The following CEP97 variants were observed in gnomAD, a reference collection of about 807,000 sequenced individuals.
The protein encoded by CEP97 is centrosomal protein 97.
Under a neutral mutation model 73.1 loss-of-function variants are expected in CEP97, and 43 were observed. The observed-to-expected ratio is 0.59, with a 90% confidence interval of 0.46 to 0.76. CEP97 has a LOEUF of 0.76. CEP97 is among the 30% of genes least tolerant of loss of function. The pLI, the probability that CEP97 is intolerant of heterozygous loss-of-function variation, is 0.00. For missense variants in CEP97, 939 were observed against 1,014.0 expected (o/e 0.93, Z 1.00); for synonymous variants, 337 against 370.0 (o/e 0.91, Z 1.02).
At chr3:101,734,870 GA>G (rs972580929) in intron 6 of CEP97, among the ~76,000 whole-genome samples, 3 of 152,200 alleles carry the variant, frequency 2.0e-5, no homozygotes, top group Non-Finnish European at 2.9e-5. Flanking sequence ...TGTAAAGAGA[GA>G]CCCACAAAGA....
rs1393752920 is a variant in CEP97, at chr3:101,768,769, C to G, written c.*3218C>G. On this transcript the variant is annotated 3_prime_UTR_variant, in exon 11 of 11. Coordinates refer to ENST00000341893, the MANE Select transcript of CEP97 (RefSeq NM_024548.4). ...AGGTTGCTGAGGTATATAAAATTTT[C>G]TAGAGAAATGCTGAGTTTGATGACA... The G allele has an allele frequency of 9.2e-5, 14 of 152,116 alleles. No individual in the cohort carries two copies. Among genetic ancestry groups the G allele is most frequent in the Non-Finnish European group, 2.9e-5 (2 of 68,028 alleles). 9.4% of individuals were successfully genotyped at this position (152,116 alleles called of 1,614,324 possible).
Position 101,768,962 on chromosome 3 carries a change from A to G in CEP97, c.*3411A>G, listed in dbSNP as rs1939388483. On this transcript the variant is annotated 3_prime_UTR_variant, in exon 11 of 11. Coordinates refer to ENST00000341893, the MANE Select transcript of CEP97 (RefSeq NM_024548.4). ...TAGGAAAATGTTCATTTATTTAGTC[A>G]TATAATCGTTTGTATATATGTAAAT... The G allele has an allele frequency of 6.6e-6, 1 of 152,220 alleles. No individual in the cohort carries two copies. Among genetic ancestry groups the G allele is most frequent in the Non-Finnish European group, 1.5e-5 (1 of 68,036 alleles). 9.4% of individuals were successfully genotyped at this position (152,220 alleles called of 1,614,324 possible). A position where few individuals can be genotyped will look rare whatever the true frequency, so the allele number is the denominator to read the frequency against.
At chr3:101,755,632 A>T (rs1938984277) in intron 7 of CEP97, 38 bp downstream of exon 7, 1 of 1,596,382 alleles carries the variant, frequency 6.3e-7, no homozygotes, top group Admixed American at 1.7e-5. Context: ...TGAATTCACA[A>T]GTTAAAATAC....
intron 6 of CEP97, among the ~76,000 whole-genome samples, chr3:101,752,653 A>G (rs1453967003): frequency 6.6e-6 from 1 of 151,946 alleles, no homozygotes; most frequent in Admixed American, 6.6e-5. Context: ...TTCATCTTCC[A>G]TCACTGATAC....
At chr3:101,747,151 A>C (rs12489899) in intron 6 of CEP97, among the ~76,000 whole-genome samples, 45,787 of 150,334 alleles carry the variant, frequency 0.3, 7,482 homozygotes, top group Middle Eastern at 0.44. Context: ...ACTAGAAATA[A>C]CATTTGACCC....
At chr3:101,737,870 G>A (rs1938328084) in intron 6 of CEP97, among the ~76,000 whole-genome samples, 1 of 152,004 alleles carries the variant, frequency 6.6e-6, no homozygotes, top group African/African-American at 2.4e-5. Flanking sequence ...TGGGCTATTA[G>A]CCCAATTAAA....
chr3:101,733,041 T>G (rs1049432877), intron 6 of CEP97, among the ~76,000 whole-genome samples: 3 of 152,032 alleles, frequency 2.0e-5, no homozygotes, highest in Admixed American at 6.5e-5. Flanking sequence ...GAGGATTGCT[T>G]GAGCCCAGGA....
intron 6 of CEP97, among the ~76,000 whole-genome samples, chr3:101,741,807 C>T (rs368407525): frequency 2.2e-4 from 33 of 152,102 alleles, no homozygotes; most frequent in East Asian, 1.5e-3. Flanking sequence ...TTTGGGAGTC[C>T]GAGGCAGGTG....
chr3:101,761,706 G>A (rs1490980015), intron 9 of CEP97, among the ~76,000 whole-genome samples: 1 of 152,134 alleles, frequency 6.6e-6, no homozygotes, highest in African/African-American at 2.4e-5. Context: ...GAGAGATGGA[G>A]TATATAAGGG....
chr3:101,760,501 G>A (rs1205387600), intron 9 of CEP97, among the ~76,000 whole-genome samples: 1 of 152,122 alleles, frequency 6.6e-6, no homozygotes, highest in Non-Finnish European at 1.5e-5. Context: ...AAGGGCAAGA[G>A]AGCTGAAGAT....
intron 6 of CEP97, among the ~76,000 whole-genome samples, chr3:101,739,066 C>G (rs1210799852): frequency 6.6e-6 from 1 of 152,166 alleles, no homozygotes; most frequent in East Asian, 1.9e-4. Context: ...AACTAGAAAT[C>G]TAGAAGAAAT....
At chr3:101,725,877 G>GT (rs55666231) in intron 1 of CEP97, among the ~76,000 whole-genome samples, 43,902 of 139,424 alleles carry the variant, frequency 0.31, 7,020 homozygotes, top group Middle Eastern at 0.45. Flanking sequence ...TTTTTTTTTT[G>GT]TTTTTTTTTT....
At chr3:101,752,803 T>C (rs2107175588) in intron 6 of CEP97, among the ~76,000 whole-genome samples, 1 of 152,332 alleles carries the variant, frequency 6.6e-6, no homozygotes, top group South Asian at 2.1e-4. Context: ...GTCTAAATTT[T>C]TTTCAAAGTT....
chr3:101,759,412 T>A (rs562240146), intron 9 of CEP97: 1 of 152,274 alleles, frequency 6.6e-6, no homozygotes, highest in African/African-American at 2.4e-5. Context: ...ATCTTTGGTG[T>A]CCAGGGTTTT....
Position 101,765,510 on chromosome 3 carries a change from G to T in CEP97, c.2557G>T (p.Asp853Tyr). ...AEVQGQQPEC[D>Y]STFQLLHVGV... ...AGTTCAGGGGCAGCAGCCAGAATGT[G>T]ATTCTACATTTCAGCTATTGCATGT... The change falls in exon 11 of 11, where the codon GAT (aspartate) becomes TAT (tyrosine). Residue 853 changes from aspartate (D) to tyrosine (Y), a missense_variant. By Grantham distance (160) the Asp-to-Tyr change is radical. Transcript: ENST00000341893. The T allele has an allele frequency of 1.2e-6, 2 of 1,613,626 alleles. No homozygotes were observed. The highest frequency in any genetic ancestry group is 8.5e-7 in the Non-Finnish European group (1 of 1,179,620).
intron 9 of CEP97, 133 bp downstream of exon 9, chr3:101,758,556 C>T: frequency 9.1e-7 from 1 of 1,098,880 alleles, no homozygotes. Context: ...CTTTGGTTGT[C>T]TCCTACAGTG....
At chr3:101,754,716 C>T (rs916595874) in intron 6 of CEP97, among the ~76,000 whole-genome samples, 111 of 152,254 alleles carry the variant, frequency 7.3e-4, no homozygotes, top group African/African-American at 2.6e-3. Flanking sequence ...TTTTCTCTCT[C>T]TCTCCCTTGC....
At chr3:101,734,867 A>G (rs1178556434) in intron 6 of CEP97, among the ~76,000 whole-genome samples, 2 of 152,192 alleles carry the variant, frequency 1.3e-5, no homozygotes, top group Non-Finnish European at 2.9e-5. Flanking sequence ...TGGTGTAAAG[A>G]GAGACCCACA....
rs759567103 is a variant in CEP97, at chr3:101,758,291, C to T, written c.1685C>T (p.Ala562Val). The T allele has an allele frequency of 2.2e-5, 36 of 1,614,098 alleles. No homozygotes were observed. The South Asian group carries it at 3.8e-4, about 17-fold the overall frequency. ...KVALQKLNDAATKLQACWRGF... is the reference protein window; with the variant it reads ...KVALQKLNDAVTKLQACWRGF... ...GCCCTTCAGAAATTAAATGATGCAG[C>T]CACCAAGCTTCAGGCCTGTTGGCGG... The change falls in exon 9 of 11, where the codon GCC becomes GTC. Residue 562 changes from alanine to valine, a missense_variant. Coordinates refer to ENST00000341893, the MANE Select transcript of CEP97 (RefSeq NM_024548.4).
Sources: allele counts gnomAD v4.1 joint callset (sites outside exome capture counted in the v4.1 genomes callset), GRCh38; gene constraint gnomAD v4.1.1; transcripts MANE v1.5; gene names NCBI Gene and HGNC (gene_info 2026-07-23, HGNC 2026-07-21).